CCDC181: variants seen among roughly 807,000 people sequenced by gnomAD.
CCDC181 encodes the protein coiled-coil domain-containing protein 181.
CCDC181 carries 35 observed loss-of-function variants against 58.7 expected under a neutral mutation model. The observed-to-expected ratio is 0.60, with a 90% CI of 0.46 to 0.79. The LOEUF is 0.79. Ranked by LOEUF, CCDC181 falls within the 30% of genes least tolerant of loss-of-function variation. The pLI is 0.00. For missense variants in CCDC181, 517 were observed against 583.9 expected (o/e 0.89, Z 1.18); for synonymous variants, 183 against 197.5 (o/e 0.93, Z 0.62).
chr1:169,424,342 T>G (rs1398079981), intron 2 of CCDC181, among the ~76,000 whole-genome samples: 2 of 151,856 alleles, frequency 1.3e-5, no homozygotes, highest in African/African-American at 4.8e-5. Context: ...TTCTCTATAT[T>G]CATTGCCAAG....
At chr1:169,452,314 T>G (rs919699371) in intron 2 of CCDC181, among the ~76,000 whole-genome samples, 3 of 152,144 alleles carry the variant, frequency 2.0e-5, no homozygotes, top group Non-Finnish European at 4.4e-5. Flanking sequence ...TCAAACCTGC[T>G]GTTGACAGGT....
At chr1:169,453,580 G>A (rs924586962) in intron 2 of CCDC181, among the ~76,000 whole-genome samples, 2 of 151,988 alleles carry the variant, frequency 1.3e-5, no homozygotes, top group African/African-American at 2.4e-5. Context: ...GGACCTCCCT[G>A]ACTACAAACA....
intron 4 of CCDC181, among the ~76,000 whole-genome samples, chr1:169,417,137 A>C (rs1002891908): frequency 3.3e-5 from 5 of 152,196 alleles, no homozygotes; most frequent in Admixed American, 6.5e-5. Context: ...TGACAAGTTT[A>C]ACACCAGCTG....
At chr1:169,435,312 AG>A (rs1657029380) in intron 2 of CCDC181, among the ~76,000 whole-genome samples, 1 of 152,136 alleles carries the variant, frequency 6.6e-6, no homozygotes, top group Admixed American at 6.5e-5. Flanking sequence ...GTGTTTGCCT[AG>A]GGCTGGAACA....
At chr1:169,421,340 A>ATAATG in intron 3 of CCDC181, 23 bp downstream of exon 3, 1 of 1,531,238 alleles carries the variant, frequency 6.5e-7, no homozygotes, top group South Asian at 1.2e-5. Flanking sequence ...TACTTTTAAT[A>ATAATG]TAATGCCCAC....
At chr1:169,436,162 C>T (rs1657049076) in intron 2 of CCDC181, among the ~76,000 whole-genome samples, 1 of 151,792 alleles carries the variant, frequency 6.6e-6, no homozygotes, top group Non-Finnish European at 1.5e-5. Flanking sequence ...GAAATTAGGA[C>T]GTGATAATTT....
intron 5 of CCDC181, among the ~76,000 whole-genome samples, 165 bp downstream of exon 5, chr1:169,397,066 ATAGAGT>A (rs954335290): frequency 1.3e-5 from 2 of 150,904 alleles, no homozygotes; most frequent in Non-Finnish European, 3.0e-5. Context: ...AATATATATA[ATAGAGT>A]TAAAGAATTA....
chr1:169,418,632 G>A (rs1482318128), intron 4 of CCDC181, among the ~76,000 whole-genome samples: 1 of 149,058 alleles, frequency 6.7e-6, no homozygotes, highest in Non-Finnish European at 1.5e-5. Flanking sequence ...AAATAATTTG[G>A]TGTCTTTAAT....
At chr1:169,437,032 C>T (rs1177525700) in intron 2 of CCDC181, among the ~76,000 whole-genome samples, 1 of 151,784 alleles carries the variant, frequency 6.6e-6, no homozygotes, top group Non-Finnish European at 1.5e-5. Flanking sequence ...TTTATTATTA[C>T]TCAAATCAGT....
upstream of CCDC181, among the ~76,000 whole-genome samples, chr1:169,430,923 G>C (rs1656903866): frequency 6.6e-6 from 1 of 152,126 alleles, no homozygotes; most frequent in Non-Finnish European, 1.5e-5. Flanking sequence ...ACCAATCAGA[G>C]GTTGAAGTGA....
At chr1:169,452,999 T>A (rs1358818311) in intron 2 of CCDC181, among the ~76,000 whole-genome samples, 1 of 152,060 alleles carries the variant, frequency 6.6e-6, no homozygotes, top group Non-Finnish European at 1.5e-5. Context: ...TATTTTTGGC[T>A]GTAGTCTACT....
intron 5 of CCDC181, chr1:169,395,781 A>G (rs1248347178): frequency 6.6e-6 from 1 of 152,174 alleles, no homozygotes; most frequent in African/African-American, 2.4e-5. Context: ...TAGCAAAAAT[A>G]ACTGCATATA....
chr1:169,395,632 C>T (rs1241344991), intron 5 of CCDC181, among the ~76,000 whole-genome samples: 1 of 152,124 alleles, frequency 6.6e-6, no homozygotes, highest in Admixed American at 6.5e-5. Flanking sequence ...CCTTACTCTT[C>T]TTATAGGTAA....
At chr1:169,426,978 C>T (rs1656737826) in intron 1 of CCDC181, among the ~76,000 whole-genome samples, 2 of 152,094 alleles carry the variant, frequency 1.3e-5, no homozygotes, top group African/African-American at 4.8e-5. Context: ...ACTTTTTCTC[C>T]CAGGGACAAA....
chr1:169,406,051 C>A (rs1016495984), intron 4 of CCDC181, among the ~76,000 whole-genome samples: 1 of 152,230 alleles, frequency 6.6e-6, no homozygotes, highest in Admixed American at 6.5e-5. Flanking sequence ...AAAAAAGGCT[C>A]ATCATCACTG....
At chr1:169,431,304 T>C (rs1381053477), upstream of CCDC181, among the ~76,000 whole-genome samples, 1 of 152,214 alleles carries the variant, frequency 6.6e-6, no homozygotes, top group African/African-American at 2.4e-5. Flanking sequence ...TCTTTACCAA[T>C]GTGGATGCCC....
chr1:169,424,684 T>C (rs1196726208), intron 2 of CCDC181, 127 bp downstream of exon 2: 1 of 559,662 alleles, frequency 1.8e-6, no homozygotes, highest in African/African-American at 1.9e-5. Flanking sequence ...ATGAGGATAA[T>C]AGTAATTTGC....
intron 2 of CCDC181, among the ~76,000 whole-genome samples, chr1:169,433,986 A>G (rs1457351872): frequency 6.6e-6 from 1 of 152,062 alleles, no homozygotes. Context: ...GCAGAATGAA[A>G]AGGCAACCTA....
chr1:169,460,032 T>A (rs1657802193), intron 1 of CCDC181, among the ~76,000 whole-genome samples: 1 of 152,176 alleles, frequency 6.6e-6, no homozygotes, highest in African/African-American at 2.4e-5. Context: ...TTGTTAACAT[T>A]TCAGCATTTG....
Sources: gnomAD v4.1 joint callset for allele counts (sites outside exome capture counted in the v4.1 genomes callset) on GRCh38, gnomAD v4.1.1 for gene constraint, MANE v1.5 for transcripts, NCBI Gene and HGNC (gene_info 2026-07-23, HGNC 2026-07-21) for gene names.